The following USP35 variants were observed in gnomAD, a reference collection of about 807,000 sequenced individuals.
The protein encoded by USP35 is ubiquitin carboxyl-terminal hydrolase 35.
Under a neutral mutation model 83.8 loss-of-function variants are expected in USP35, and 69 were observed. That is an observed-to-expected ratio of 0.82 (90% confidence interval 0.68 to 1.01). USP35 has a LOEUF of 1.01. USP35 is among the 50% of genes least tolerant of loss of function. The pLI, the probability that USP35 is intolerant of heterozygous loss-of-function variation, is 0.00. For synonymous variants in USP35, 714 were observed against 589.5 expected (o/e 1.21, Z -3.06); for missense variants, 1,503 against 1,362.5 (o/e 1.10, Z -1.62).
the USP35 span, among the ~76,000 whole-genome samples, chr11:78,233,040 GTTT>G: frequency 5.8e-3 from 760 of 131,966 alleles, 14 homozygotes; most frequent in African/African-American, 0.022. Flanking sequence ...GCACTGTTAA[GTTT>G]TTTTTTTTTT....
At chr11:78,217,386 A>C (rs1285139289), downstream of USP35, 1 of 152,194 alleles carries the variant, frequency 6.6e-6, no homozygotes, top group African/African-American at 2.4e-5. Context: ...CTAGGAGGAG[A>C]GGTGCAGCTC....
chr11:78,227,130 T>C, the USP35 span: 26 of 967,662 alleles, frequency 2.7e-5, no homozygotes, highest in South Asian at 3.4e-4. Flanking sequence ...CACTTTCTCT[T>C]TCTATACTTT....
At chr11:78,203,063 G>T (rs1863405973) in intron 6 of USP35, among the ~76,000 whole-genome samples, 1 of 152,158 alleles carries the variant, frequency 6.6e-6, no homozygotes, top group Non-Finnish European at 1.5e-5. Flanking sequence ...TGCAGGCTTT[G>T]CACAGTAGGG....
the USP35 span, among the ~76,000 whole-genome samples, chr11:78,233,945 T>C: frequency 6.6e-6 from 1 of 152,240 alleles, no homozygotes; most frequent in African/African-American, 2.4e-5. Flanking sequence ...CTTGAAGAAC[T>C]AGTTTTAATT....
intron 3 of USP35, chr11:78,199,214 G>A (rs1260200350): frequency 2.9e-5 from 7 of 238,720 alleles, no homozygotes; most frequent in South Asian, 1.4e-4. Flanking sequence ...GGCCCAGAGC[G>A]GGGAAGTGGC....
At chr11:78,202,610 A>G (rs1863388940) in intron 6 of USP35, among the ~76,000 whole-genome samples, 1 of 149,994 alleles carries the variant, frequency 6.7e-6, no homozygotes, top group Non-Finnish European at 1.5e-5. Flanking sequence ...GACAGTTGGT[A>G]GATACAACAA....
the USP35 span, chr11:78,223,509 G>A: frequency 6.2e-7 from 1 of 1,612,494 alleles, no homozygotes; most frequent in Non-Finnish European, 8.5e-7. Context: ...TTGATGGGTA[G>A]CCAAGTGAGT....
rs142353348 is a variant in USP35 at position 78,206,379 on chromosome 11, C to G, written c.1391+344C>G. Reference sequence around the variant, plus strand: ...ACCCATCCTGGTATTAGACATCTCTCTCTTTTAAAATGAAACAAACACAAT... The same window carrying G: ...ACCCATCCTGGTATTAGACATCTCTGTCTTTTAAAATGAAACAAACACAAT... On this transcript the variant is annotated intron_variant, in intron 7 of 10. Transcript: ENST00000529308. Among the ~76,000 whole-genome samples the G allele has an allele frequency of 6.1e-3, 930 of 152,342 alleles. 8 individuals are homozygous for G. The highest frequency in any genetic ancestry group is 0.021 in the African/African-American group (879 of 41,572).
chr11:78,220,653 A>G, the USP35 span, among the ~76,000 whole-genome samples: 1,726 of 152,280 alleles, frequency 0.011, 29 homozygotes, highest in African/African-American at 0.032. Context: ...TAAAGCAAAG[A>G]TGAAACTGTG....
At chr11:78,195,590 T>C (rs1863118979) in intron 1 of USP35, among the ~76,000 whole-genome samples, 2 of 152,310 alleles carry the variant, frequency 1.3e-5, no homozygotes, top group South Asian at 4.1e-4. Context: ...GGACAGCAGC[T>C]TCTAGATCCT....
Position 78,196,875 on chromosome 11 carries a change from C to T in USP35, c.630C>T (p.Ile210=). 3 of 1,473,438 alleles carry T rather than the reference C, an allele frequency of 2.0e-6. No homozygotes were observed. Among genetic ancestry groups the T allele is most frequent in the Non-Finnish European group, 1.8e-6 (2 of 1,116,056 alleles). The allele number at this position is 1,473,438 out of a possible 1,614,324, so 91.3% of individuals were successfully genotyped here. The change falls in exon 2 of 11, where the codon ATC becomes ATT. Residue 210 remains isoleucine, a synonymous_variant. Transcript: ENST00000529308. This position sits in a 1 kb window ranked among gnomAD's most constrained non-coding sequence, Gnocchi z 4.8. ...AQLWRAQPAA[I]LPCLKELFAV... ...TGTGGCGCGCACAGCCCGCCGCCAT[C>T]CTGCCCTGCCTCAAAGAGCTGTTCG...
At chr11:78,222,537 T>G in the USP35 span, among the ~76,000 whole-genome samples, 1 of 148,230 alleles carries the variant, frequency 6.7e-6, no homozygotes, top group Non-Finnish European at 1.5e-5. Context: ...ATTTATATAT[T>G]AATATATTAA....
intron 3 of USP35, 60 bp from the exon 4 acceptor site, chr11:78,199,535 C>T: frequency 6.2e-7 from 1 of 1,608,784 alleles, no homozygotes; most frequent in South Asian, 1.1e-5. Flanking sequence ...CCCTGGGCTG[C>T]CCTCACCCCA....
At chr11:78,206,645 T>C (rs1338094712) in intron 7 of USP35, among the ~76,000 whole-genome samples, 1 of 152,240 alleles carries the variant, frequency 6.6e-6, no homozygotes, top group Non-Finnish European at 1.5e-5. Flanking sequence ...GTTTTTCTTT[T>C]CTAATTCCAG....
the USP35 span, chr11:78,226,507 G>A: frequency 5.2e-5 from 84 of 1,612,726 alleles, no homozygotes; most frequent in South Asian, 1.5e-4. Flanking sequence ...AGGGTGTTGC[G>A]TCTGGGGATG....
At chr11:78,213,103 C>T (rs377650723) in intron 10 of USP35, among the ~76,000 whole-genome samples, 9 of 152,300 alleles carry the variant, frequency 5.9e-5, no homozygotes, top group African/African-American at 2.2e-4. Context: ...CGGGTGTCAC[C>T]AACATCAACT....
At chr11:78,210,783 T>G (rs1260036858) in intron 10 of USP35, 39 bp downstream of exon 10, 2 of 1,500,024 alleles carry the variant, frequency 1.3e-6, no homozygotes, top group Middle Eastern at 1.8e-4. Context: ...GATCTCTTGG[T>G]GGAGGGAGTC....
chr11:78,225,806 C>T, the USP35 span, among the ~76,000 whole-genome samples: 8 of 152,104 alleles, frequency 5.3e-5, no homozygotes, highest in African/African-American at 1.4e-4. Context: ...AGGTTTTGTC[C>T]CACCAACCTC....
intron 10 of USP35, among the ~76,000 whole-genome samples, chr11:78,212,560 C>G (rs992832202): frequency 9.0e-5 from 9 of 99,932 alleles, no homozygotes; most frequent in African/African-American, 3.1e-4. Context: ...GTCTTCCTAT[C>G]TATCTGTGAG....
Sources: gnomAD v4.1 joint callset for allele counts (sites outside exome capture counted in the v4.1 genomes callset) on GRCh38, gnomAD v4.1.1 for gene constraint, Gnocchi (gnomAD v3.1) non-coding constraint, MANE v1.5 for transcripts, NCBI Gene and HGNC (gene_info 2026-07-23, HGNC 2026-07-21) for gene names.